The following COL9A1 variants were observed in gnomAD, a reference collection of about 807,000 sequenced individuals.
The protein encoded by COL9A1 is collagen alpha-1(IX) chain.
In COL9A1, 104 loss-of-function variants were observed where a neutral mutation model predicts 142.6. The ratio of observed to expected loss-of-function variants is 0.73; its 90% confidence interval spans 0.62 to 0.86. The LOEUF (loss-of-function observed/expected upper bound fraction) is 0.86. COL9A1 is among the 40% of genes least tolerant of loss of function. COL9A1 has a pLI of 0.00. For missense variants in COL9A1, 1,210 were observed against 1,176.6 expected, an observed-to-expected ratio of 1.03 and a Z score of -0.42; for synonymous variants, 466 against 396.0, an observed-to-expected ratio of 1.18 and a Z score of -2.10.
intron 10 of COL9A1, chr6:70,280,057 G>A (rs1773045943): frequency 1.5e-6 from 1 of 689,576 alleles, no homozygotes; most frequent in Admixed American, 2.1e-5. Flanking sequence ...CATGGAAAGA[G>A]GAGAAGCTGA....
chr6:70,289,735 C>G (rs1773588946), intron 5 of COL9A1, among the ~76,000 whole-genome samples: 1 of 152,062 alleles, frequency 6.6e-6, no homozygotes, highest in Non-Finnish European at 1.5e-5. Context: ...AATAAGCAGA[C>G]TTAATAGTTT....
Position 70,302,053 on chromosome 6 carries a change from AAAG to A in COL9A1, c.33_35del (p.Phe12del). On this transcript the variant is annotated inframe_deletion, in exon 2 of 38. Transcript: ENST00000357250. ...CCCAGGGTTCCAGGAAACTGCACAC[AAAG>A]AAGAAAACTGGAATTTTCCTGAAGA... 4 of 1,611,836 alleles carry A rather than the reference AAAG, an allele frequency of 2.5e-6. No homozygotes were observed. Among genetic ancestry groups the A allele is most frequent in the Non-Finnish European group, 3.4e-6 (4 of 1,179,100 alleles).
chr6:70,299,658 A>G (rs1773981986), intron 4 of COL9A1, among the ~76,000 whole-genome samples: 1 of 152,202 alleles, frequency 6.6e-6, no homozygotes, highest in Non-Finnish European at 1.5e-5. Context: ...GGACACTTGA[A>G]CAGCACCATT....
At chr6:70,220,055 C>T (rs191479699) in intron 37 of COL9A1, among the ~76,000 whole-genome samples, 210 of 152,194 alleles carry the variant, frequency 1.4e-3, no homozygotes, top group African/African-American at 4.6e-3. Flanking sequence ...CCTGTCTACC[C>T]TTGATTTATT....
rs80251646 is a variant in COL9A1, at chr6:70,254,972, A to G, written c.1656T>C (p.Pro552=). 6,082 of 1,614,140 alleles carry G rather than the reference A, an allele frequency of 3.8e-3. 189 individuals carry two copies. In the East Asian group the frequency reaches 0.056, roughly 15 times the overall value. The change falls in exon 24 of 38, where the codon CCT becomes CCC. Residue 552 remains proline, a synonymous_variant. Transcript: ENST00000357250. ...VDGRDGIPGM[P]GTKGEPGKPG... is the part of the protein sequence containing the mutation. ...AAATTACACAGCCTACCTTTGTTCCAGGCATTCCAGGGATCCCATCACGGC... is the reference window on the plus strand; with the variant it reads ...AAATTACACAGCCTACCTTTGTTCCGGGCATTCCAGGGATCCCATCACGGC...
chr6:70,281,000 T>C lies in COL9A1; in HGVS notation c.912+4A>G. The C allele has an allele frequency of 6.2e-7, 1 of 1,613,530 alleles. No homozygotes were observed. Among genetic ancestry groups the C allele is most frequent in the South Asian group, 1.1e-5 (1 of 91,066 alleles). ...TGGAGCGCCATATGCTCCAATCAACTTACCGGGGGGCCCGGGGGGCCCTTA... is the reference window on the plus strand; with the variant it reads ...TGGAGCGCCATATGCTCCAATCAACCTACCGGGGGGCCCGGGGGGCCCTTA... On this transcript the variant is annotated splice_donor_region_variant and intron_variant, in intron 9 of 37. Transcript: ENST00000357250.
intron 16 of COL9A1, 103 bp downstream of exon 16, chr6:70,269,530 A>G: frequency 1.2e-6 from 1 of 837,270 alleles, no homozygotes; most frequent in Non-Finnish European, 2.1e-6. Context: ...AGGAAAACAC[A>G]GACACATAGA....
At chr6:70,267,025 T>C (rs1219146900) in intron 17 of COL9A1, among the ~76,000 whole-genome samples, 2 of 152,240 alleles carry the variant, frequency 1.3e-5, no homozygotes, top group Admixed American at 6.5e-5. Context: ...ATGTGATTCA[T>C]TGATACTTGC....
chr6:70,293,630 TTCAC>T (rs1233661421), intron 5 of COL9A1, among the ~76,000 whole-genome samples: 14 of 74,216 alleles, frequency 1.9e-4, no homozygotes, highest in Middle Eastern at 7.6e-3. Context: ...CTCTCTCTCT[TTCAC>T]ACACACACAC....
chr6:70,264,142 T>C (rs942879355), intron 18 of COL9A1, among the ~76,000 whole-genome samples: 1 of 152,096 alleles, frequency 6.6e-6, no homozygotes, highest in East Asian at 1.9e-4. Context: ...TGAAATTCTA[T>C]AATACATTTT....
At chr6:70,241,579 T>C (rs1770263587) in intron 30 of COL9A1, 125 bp from the exon 31 acceptor site, 9 of 782,562 alleles carry the variant, frequency 1.2e-5, no homozygotes, top group Non-Finnish European at 1.8e-5. Flanking sequence ...ACGTTCCCAC[T>C]CCTCACCACC....
intron 30 of COL9A1, 92 bp from the exon 31 acceptor site, chr6:70,241,546 T>C: frequency 9.6e-7 from 1 of 1,044,200 alleles, no homozygotes; most frequent in Non-Finnish European, 1.5e-6. Context: ...TAAGCACAAG[T>C]ACGGATAATG....
intron 37 of COL9A1, among the ~76,000 whole-genome samples, chr6:70,219,180 G>A (rs17691623): frequency 0.013 from 1,995 of 152,218 alleles, 26 homozygotes; most frequent in Non-Finnish European, 0.02. Flanking sequence ...ATCTAAATCC[G>A]ATTTTCATGC....
At chr6:70,239,133 C>T (rs878857444) in intron 33 of COL9A1, 121 bp downstream of exon 33, 1 of 707,690 alleles carries the variant, frequency 1.4e-6, no homozygotes, top group Non-Finnish European at 2.4e-6. Flanking sequence ...AGTGAGACTC[C>T]ATCTCAAAAA....
At chr6:70,242,134 TA>T in intron 29 of COL9A1, 99 bp from the exon 30 acceptor site, 2 of 1,024,074 alleles carry the variant, frequency 2.0e-6, no homozygotes, top group South Asian at 1.4e-5. Context: ...GTGTCTAAAA[TA>T]AACGTGCTGT....
chr6:70,216,415 C>T lies in COL9A1; in HGVS notation c.*482G>A. The stretch of plus-strand genomic sequence containing the variant: ...AGCACATCGATGAGATTTTAAGCAC[C>T]AATTCCATTGAATGTAGTGGGGTTT... On this transcript the variant is annotated 3_prime_UTR_variant, in exon 38 of 38. Coordinates refer to ENST00000357250, the MANE Select transcript of COL9A1 (RefSeq NM_001851.6). 1 of 173,512 alleles carries T rather than the reference C, an allele frequency of 5.8e-6. No individual in the cohort carries two copies. Among genetic ancestry groups the T allele is most frequent in the Non-Finnish European group, 1.3e-5 (1 of 79,578 alleles). 10.7% of individuals were successfully genotyped at this position (173,512 alleles called of 1,614,324 possible).
At chr6:70,281,799 C>CA (rs1323800273) in intron 7 of COL9A1, among the ~76,000 whole-genome samples, 1 of 152,054 alleles carries the variant, frequency 6.6e-6, no homozygotes, top group East Asian at 1.9e-4. Flanking sequence ...CAAAAGGATA[C>CA]AAAAATGAAA....
intron 17 of COL9A1, among the ~76,000 whole-genome samples, chr6:70,267,263 T>G (rs150774969): frequency 0.013 from 1,991 of 152,000 alleles, 17 homozygotes; most frequent in Middle Eastern, 0.052. Flanking sequence ...GTGGACTTTC[T>G]CGGATGCACA....
At chr6:70,254,445 C>T in intron 25 of COL9A1, 31 bp downstream of exon 25, 2 of 1,601,942 alleles carry the variant, frequency 1.2e-6, no homozygotes, top group Middle Eastern at 3.3e-4. Context: ...TGTATATAAA[C>T]CAATTAACAT....
Sources: allele counts gnomAD v4.1 joint callset (sites outside exome capture counted in the v4.1 genomes callset), GRCh38; gene constraint gnomAD v4.1.1; transcripts MANE v1.5; gene names NCBI Gene and HGNC (gene_info 2026-07-23, HGNC 2026-07-21).